USP13: variants seen among roughly 807,000 people sequenced by gnomAD.
The protein encoded by USP13 is ubiquitin specific peptidase 13.
A neutral mutation model predicts 107.8 loss-of-function variants in USP13; 68 were observed. The ratio of observed to expected loss-of-function variants is 0.63; its 90% CI spans 0.52 to 0.77. The LOEUF is 0.77. Among genes scored for constraint, USP13 ranks in the 30% least tolerant of loss-of-function variants. The probability of loss-of-function intolerance (pLI) is 0.00; values close to 1 mark genes in which losing one functional copy is unlikely to be tolerated. For synonymous variants in USP13, 377 were observed against 389.5 expected (o/e 0.97, Z 0.38); for missense variants, 945 against 1,093.3 (o/e 0.86, Z 1.91).
intron 1 of USP13, among the ~76,000 whole-genome samples, chr3:179,668,942 C>A (rs1323882502): frequency 6.6e-6 from 1 of 152,152 alleles, no homozygotes; most frequent in Non-Finnish European, 1.5e-5. Context: ...GATCTGTGCT[C>A]TGGTTATTGG....
At chr3:179,753,144 T>C (rs1371115660) in intron 14 of USP13, among the ~76,000 whole-genome samples, 1 of 152,214 alleles carries the variant, frequency 6.6e-6, no homozygotes, top group Non-Finnish European at 1.5e-5. Flanking sequence ...AGTTTTTATG[T>C]TTTTAAGTAC....
chr3:179,722,314 T>G (rs1713354011), intron 8 of USP13, among the ~76,000 whole-genome samples: 1 of 152,140 alleles, frequency 6.6e-6, no homozygotes. Context: ...TTTTTGCTAC[T>G]TACAGTGTGG....
rs898810510 is a variant in USP13, at chr3:179,742,792, G to A, written c.1534+442G>A. ...ATCCAGCTTTGGCACATGAGTATTT[G>A]AGCCACCTCTTCTGGGAGATAAATT... On this transcript the variant is annotated intron_variant, in intron 12 of 20. Transcript: ENST00000263966. This position sits in a 1 kb window ranked among gnomAD's most constrained non-coding sequence, Gnocchi z 5.0. Among the ~76,000 whole-genome samples, 5 of 152,136 alleles carry A rather than the reference G, an allele frequency of 3.3e-5. No individual in the cohort carries two copies. Among genetic ancestry groups the A allele is most frequent in the Non-Finnish European group, 5.9e-5 (4 of 68,034 alleles).
chr3:179,781,830 C>T lies in USP13; in HGVS notation c.2498+7C>T, dbSNP rs1190209615. On this transcript the variant is annotated splice_region_variant and intron_variant, in intron 20 of 20. Transcript: ENST00000263966. ...ATATCAAAAAGGAAGGAAGGTGAGT[C>T]ATTTTTAGAAGGTAAATGTTAGCTG... 4.3e-6 allele frequency: 7 copies of T among 1,611,478 alleles called. No homozygotes were observed. The South Asian group carries it at 7.7e-5, about 18-fold the overall frequency.
intron 8 of USP13, among the ~76,000 whole-genome samples, chr3:179,725,682 A>G (rs1483652121): frequency 1.3e-5 from 2 of 152,204 alleles, no homozygotes; most frequent in Admixed American, 1.3e-4. Context: ...ATGGAAGTTA[A>G]TCGTGTGATT....
In USP13 at chr3:179,687,739, T is replaced by G. The variant is rs1475279059; in HGVS notation, c.295-2502T>G. Reference sequence around the variant, plus strand: ...CTTCCTTCCCTCAAACTTGCTGCCTTCAATCCCACCCAGTCTGCACACTGC... The same window carrying G: ...CTTCCTTCCCTCAAACTTGCTGCCTGCAATCCCACCCAGTCTGCACACTGC... On this transcript the variant is annotated intron_variant, in intron 2 of 20. Coordinates refer to ENST00000263966, the MANE Select transcript of USP13 (RefSeq NM_003940.3). Among the ~76,000 whole-genome samples, 4 of 147,872 alleles carry G rather than the reference T, an allele frequency of 2.7e-5. No individual in the cohort carries two copies. The East Asian group carries it at 8.5e-4, about 31-fold the overall frequency.
In USP13 at chr3:179,757,031, G is replaced by A. The variant is rs549333241; in HGVS notation, c.1922-21G>A. On this transcript the variant is annotated intron_variant, in intron 15 of 20. Transcript: ENST00000263966. ...TCAACATGGTTTGGTCTCATTTTCT[G>A]TCCTCTCCCTTAATTTCCAGATCGC... The A allele has an allele frequency of 2.4e-5, 38 of 1,613,788 alleles. No individual in the cohort carries two copies. The African/African-American group carries it at 4.1e-4, about 18-fold the overall frequency.
At chr3:179,725,197 G>C (rs1713469391) in intron 8 of USP13, among the ~76,000 whole-genome samples, 1 of 152,210 alleles carries the variant, frequency 6.6e-6, no homozygotes, top group Non-Finnish European at 1.5e-5. Flanking sequence ...GGGCGAGGGA[G>C]TGAGACGCTG....
chr3:179,747,470 G>T (rs560386004), intron 13 of USP13, among the ~76,000 whole-genome samples: 1 of 152,116 alleles, frequency 6.6e-6, no homozygotes, highest in African/African-American at 2.4e-5. Context: ...CTGGCCCTCG[G>T]CCACCCCTTT....
chr3:179,729,083 A>G (rs150868595), intron 8 of USP13, among the ~76,000 whole-genome samples: 25 of 152,334 alleles, frequency 1.6e-4, no homozygotes, highest in Admixed American at 5.9e-4. Context: ...AAGGGGGTCC[A>G]TGGCCATAGG....
In USP13 at chr3:179,653,284, C is replaced by T. The variant is rs749627571; in HGVS notation, c.59C>T (p.Ala20Val). 1.3e-6 allele frequency: 2 copies of T among 1,571,352 alleles called. No homozygotes were observed. The highest frequency in any genetic ancestry group is 4.7e-5 in the East Asian group (2 of 42,614). Residue 20 changes from alanine (A) to valine (V), a missense_variant, in exon 1 of 21, where the codon GCT (alanine) becomes GTT (valine). Transcript: ENST00000263966. The surrounding 1 kb of genome is among the most constrained non-coding windows in gnomAD (Gnocchi z 4.0). ...MPGGSGGRKM[A>V]AGDIGELLVP... Reference sequence around the variant, plus strand: ...GGCGGCAGCGGAGGCAGGAAGATGGCTGCAGGAGACATCGGCGAGCTGCTA... The same window carrying T: ...GGCGGCAGCGGAGGCAGGAAGATGGTTGCAGGAGACATCGGCGAGCTGCTA...
intron 19 of USP13, among the ~76,000 whole-genome samples, chr3:179,778,714 CG>C: frequency 6.6e-6 from 1 of 151,366 alleles, no homozygotes; most frequent in Non-Finnish European, 1.5e-5. Flanking sequence ...TGCAGTGAGC[CG>C]AGATCACGCC....
rs746629374 is a variant in USP13 at position 179,721,448 on chromosome 3, A to G, written c.947A>G (p.Glu316Gly). The change falls in exon 8 of 21, where the codon GAG becomes GGG. Residue 316 changes from glutamate (E) to glycine (G), a missense_variant. Glu to Gly is a moderately conservative substitution (Grantham distance 98). Transcript: ENST00000263966. This position sits in a 1 kb window ranked among gnomAD's most constrained non-coding sequence, Gnocchi z 4.3. ...QDNDIKLRVS[E>G]WEVIQESGTK... ...AATGACATCAAGCTGAGGGTCAGTG[A>G]GTGGGAAGTGATCCAGGAGTCGGGC... 1.9e-6 allele frequency: 3 copies of G among 1,614,134 alleles called. No individual in the cohort carries two copies. The highest frequency in any genetic ancestry group is 3.3e-5 in the Admixed American group (2 of 60,014).
chr3:179,673,679 G>A (rs780105015), intron 1 of USP13, among the ~76,000 whole-genome samples: 1 of 152,140 alleles, frequency 6.6e-6, no homozygotes, highest in South Asian at 2.1e-4. Flanking sequence ...TTTGGGAAGC[G>A]CCTGCAGTGA....
In USP13 at chr3:179,701,096, A is replaced by G; in HGVS notation, c.444A>G (p.Ile148Met). 3 of 1,613,946 alleles carry G rather than the reference A, an allele frequency of 1.9e-6. No individual in the cohort carries two copies. The highest frequency in any genetic ancestry group is 2.5e-6 in the Non-Finnish European group (3 of 1,179,992). The change falls in exon 4 of 21, where the codon ATA (isoleucine) becomes ATG (methionine). Residue 148 changes from isoleucine (I) to methionine (M), a missense_variant. By Grantham distance (10) the Ile-to-Met change is conservative. Coordinates refer to ENST00000263966, the MANE Select transcript of USP13 (RefSeq NM_003940.3). ...TTATATTCCCAGATCACTATGAAATAGCACTACCAAATATTGAGGAGTTAC... is the reference window on the plus strand; with the variant it reads ...TTATATTCCCAGATCACTATGAAATGGCACTACCAAATATTGAGGAGTTAC... ...KLVIFPDHYE[I>M]ALPNIEELPA...
At chr3:179,690,928 G>A (rs1712095227) in intron 3 of USP13, among the ~76,000 whole-genome samples, 1 of 152,162 alleles carries the variant, frequency 6.6e-6, no homozygotes, top group Non-Finnish European at 1.5e-5. Context: ...AGCACGTTGG[G>A]AGGCTGAGGC....
At chr3:179,699,027 C>T (rs937654151) in intron 3 of USP13, among the ~76,000 whole-genome samples, 3 of 152,012 alleles carry the variant, frequency 2.0e-5, no homozygotes, top group African/African-American at 7.2e-5. Context: ...TGCCACCACA[C>T]CCGGCTAATT....
chr3:179,732,201 G>A (rs1282676093), intron 10 of USP13, among the ~76,000 whole-genome samples: 1 of 152,212 alleles, frequency 6.6e-6, no homozygotes, highest in African/African-American at 2.4e-5. Context: ...ACCAGAGGCT[G>A]GAAGGCTCCC....
intron 6 of USP13, among the ~76,000 whole-genome samples, chr3:179,713,189 G>A (rs879408781): frequency 1.3e-5 from 2 of 152,190 alleles, no homozygotes; most frequent in Non-Finnish European, 2.9e-5. Context: ...TTTGGCAACA[G>A]CAATGCAGAT....
Sources: allele counts gnomAD v4.1 joint callset (sites outside exome capture counted in the v4.1 genomes callset), GRCh38; gene constraint gnomAD v4.1.1; non-coding constraint Gnocchi (gnomAD v3.1); transcripts MANE v1.5; gene names NCBI Gene and HGNC (gene_info 2026-07-23, HGNC 2026-07-21).